The following ADGRL4 variants were observed in gnomAD, a reference collection of about 807,000 sequenced individuals.
The protein encoded by ADGRL4 is adhesion G protein-coupled receptor L4.
A neutral mutation model predicts 74.8 loss-of-function variants in ADGRL4; 90 were observed. The ratio of observed to expected loss-of-function variants is 1.20; its 90% confidence interval spans 1.02 to 1.43. The LOEUF (loss-of-function observed/expected upper bound fraction) is 1.43, where lower values mean the gene tolerates loss of function less well. Among genes scored for constraint, ADGRL4 ranks in the 40% most tolerant of loss-of-function variants. The pLI is 0.00. For synonymous variants in ADGRL4, 311 were observed against 279.2 expected, an observed-to-expected ratio of 1.11 and a Z score of -1.14; for missense variants, 881 against 814.3, an observed-to-expected ratio of 1.08 and a Z score of -1.00.
In ADGRL4 at chr1:78,926,893, T is replaced by A. The variant is rs1205512200; in HGVS notation, c.1076A>T (p.His359Leu). 2.4e-5 allele frequency: 39 copies of A among 1,609,982 alleles called. No homozygotes were observed. Among genetic ancestry groups the A allele is most frequent in the Non-Finnish European group, 3.2e-5 (38 of 1,177,294 alleles). Reference sequence around the variant, plus strand: ...ACCAGAAAAACAGCTTACCTTTCGATGACTTAATGTAAATGTTATTTTTTC... The same window carrying A: ...ACCAGAAAAACAGCTTACCTTTCGAAGACTTAATGTAAATGTTATTTTTTC... Reference protein sequence around the residue: ...ELEKITFTLSHRKVTDRYRSL... With the variant: ...ELEKITFTLSLRKVTDRYRSL... The change falls in exon 8 of 15, where the codon CAT (histidine) becomes CTT (leucine). Residue 359 changes from histidine to leucine, a missense_variant. By Grantham distance (99) the His-to-Leu change is moderately conservative. Transcript: ENST00000370742.
chr1:78,997,167 TA>T (rs5775471), intron 2 of ADGRL4, among the ~76,000 whole-genome samples: 41,992 of 151,118 alleles, frequency 0.28, 5,850 homozygotes, highest in Non-Finnish European at 0.29. Context: ...GGACCTAGAT[TA>T]AAAAAAAAGA....
intron 12 of ADGRL4, among the ~76,000 whole-genome samples, chr1:78,912,941 G>GA (rs1411486443): frequency 1.3e-5 from 2 of 151,506 alleles, no homozygotes; most frequent in Non-Finnish European, 3.0e-5. Context: ...TTTAGAAGAA[G>GA]AAAAAACAAA....
chr1:78,951,444 A>C (rs1448192190), intron 2 of ADGRL4, among the ~76,000 whole-genome samples: 1 of 152,186 alleles, frequency 6.6e-6, no homozygotes, highest in Non-Finnish European at 1.5e-5. Flanking sequence ...ACAGGGGGTT[A>C]AAATAATAAA....
chr1:78,924,165 G>A (rs1649062200), intron 8 of ADGRL4, among the ~76,000 whole-genome samples: 1 of 152,046 alleles, frequency 6.6e-6, no homozygotes. Flanking sequence ...ACCCTTGAAA[G>A]CTGAAAGACA....
intron 12 of ADGRL4, among the ~76,000 whole-genome samples, chr1:78,895,327 G>A (rs1648371004): frequency 6.6e-6 from 1 of 151,958 alleles, no homozygotes; most frequent in Admixed American, 6.6e-5. Context: ...TAAGTGTCTG[G>A]TGCAGTGGCA....
At chr1:78,916,455 G>T (rs1163851910) in intron 12 of ADGRL4, among the ~76,000 whole-genome samples, 1 of 151,836 alleles carries the variant, frequency 6.6e-6, no homozygotes. Flanking sequence ...TCTTATGTGG[G>T]TTGGAAATTT....
intron 2 of ADGRL4, among the ~76,000 whole-genome samples, chr1:78,975,302 T>A (rs1650254579): frequency 6.6e-6 from 1 of 152,240 alleles, no homozygotes; most frequent in East Asian, 1.9e-4. Flanking sequence ...TACTTCATGA[T>A]ACTAATAATA....
At chr1:78,945,825 A>G (rs1205256477) in intron 3 of ADGRL4, among the ~76,000 whole-genome samples, 3 of 152,216 alleles carry the variant, frequency 2.0e-5, no homozygotes, top group African/African-American at 7.2e-5. Context: ...AGGTAAAACC[A>G]CTAGAACAAT....
At chr1:78,940,220 T>G (rs1649447880) in intron 3 of ADGRL4, among the ~76,000 whole-genome samples, 2 of 152,146 alleles carry the variant, frequency 1.3e-5, no homozygotes, top group African/African-American at 4.8e-5. Flanking sequence ...AAGAGCGACC[T>G]GATTTCTTTC....
At chr1:78,952,826 C>G (rs1649756791) in intron 2 of ADGRL4, among the ~76,000 whole-genome samples, 1 of 152,018 alleles carries the variant, frequency 6.6e-6, no homozygotes, top group African/African-American at 2.4e-5. Context: ...GTGTTTGAAA[C>G]TACAGGTTCA....
chr1:78,966,941 C>A (rs1570260610), intron 2 of ADGRL4, among the ~76,000 whole-genome samples: 1 of 123,272 alleles, frequency 8.1e-6, no homozygotes, highest in East Asian at 2.3e-4. Flanking sequence ...TGTTTATATT[C>A]TTTAAATTTT....
Position 78,920,326 on chromosome 1 carries a change from T to C in ADGRL4, c.1318A>G (p.Ile440Val). ...GTAAAAATGCATATGGCAAGACAAA[T>C]CAGTGAAATAATTATTCCTAGTTGA... ...ITQLGIIISL[I>V]CLAICIFTFW... Residue 440 changes from isoleucine to valine, a missense_variant, in exon 10 of 15, where the codon ATT becomes GTT. Transcript: ENST00000370742. 6.2e-7 allele frequency: 1 copy of C among 1,609,446 alleles called. No homozygotes were observed. Among genetic ancestry groups the C allele is most frequent in the Non-Finnish European group, 8.5e-7 (1 of 1,176,528 alleles).
At position 78,921,664 on chromosome 1, in the gene ADGRL4, G is replaced by T; in HGVS notation, c.1206C>A (p.Arg402=). 1 of 1,593,306 alleles carries T rather than the reference G, an allele frequency of 6.3e-7. No homozygotes were observed. The highest frequency in any genetic ancestry group is 1.1e-5 in the South Asian group (1 of 88,366). ...TTGCAAAATGTGTCAGGTGATTACA[G>T]CGGCATGAGGTGTGGGTCTCATTTG... is the stretch of plus-strand genomic sequence containing the variant. The part of the protein sequence containing the change: ...TYSNETHTSC[R]CNHLTHFAIL... Residue 402 remains arginine, a synonymous_variant, in exon 9 of 15, where the codon CGC becomes CGA. Coordinates refer to ENST00000370742, the MANE Select transcript of ADGRL4 (RefSeq NM_022159.4).
At chr1:78,936,486 GAC>G (rs1649357111) in intron 6 of ADGRL4, 75 bp from the exon 7 acceptor site, 2 of 1,257,090 alleles carry the variant, frequency 1.6e-6, no homozygotes, top group Non-Finnish European at 2.2e-6. Context: ...TTAGCTTAGA[GAC>G]AATTTCATCC....
At chr1:79,005,358 A>G in intron 1 of ADGRL4, 139 bp from the exon 2 acceptor site, 2 of 667,910 alleles carry the variant, frequency 3.0e-6, no homozygotes, top group Non-Finnish European at 2.2e-6. Flanking sequence ...CCAAGAGAGC[A>G]CTTAGCTAAG....
At chr1:78,913,779 A>T (rs530050453) in intron 12 of ADGRL4, among the ~76,000 whole-genome samples, 4 of 152,020 alleles carry the variant, frequency 2.6e-5, no homozygotes, top group African/African-American at 9.6e-5. Flanking sequence ...TTAAAATAAA[A>T]GTTAAATAAA....
chr1:78,907,551 G>T (rs1427833955), intron 12 of ADGRL4, among the ~76,000 whole-genome samples: 5 of 151,982 alleles, frequency 3.3e-5, no homozygotes, highest in African/African-American at 7.2e-5. Context: ...AATGATAAAA[G>T]TTTTCCAAAA....
chr1:78,934,142 G>T (rs1358490448), intron 7 of ADGRL4, among the ~76,000 whole-genome samples: 1 of 152,080 alleles, frequency 6.6e-6, no homozygotes, highest in Admixed American at 6.6e-5. Flanking sequence ...AAAGAACAAA[G>T]TTGGAGGCAT....
intron 12 of ADGRL4, among the ~76,000 whole-genome samples, chr1:78,915,075 C>G (rs773826368): frequency 1.6e-4 from 24 of 151,880 alleles, no homozygotes; most frequent in Non-Finnish European, 2.5e-4. Flanking sequence ...TTCACATGAC[C>G]TAGGCAGACC....
Sources: allele counts gnomAD v4.1 joint callset (sites outside exome capture counted in the v4.1 genomes callset), GRCh38; gene constraint gnomAD v4.1.1; transcripts MANE v1.5; gene names NCBI Gene and HGNC (gene_info 2026-07-23, HGNC 2026-07-21).